DEPDC5: variants seen among roughly 807,000 people sequenced by gnomAD.
DEPDC5 encodes DEP domain containing 5, GATOR1 subcomplex subunit.
DEPDC5 carries 73 observed loss-of-function variants against 217.3 expected under a neutral mutation model. That is an observed-to-expected ratio of 0.34 (90% CI 0.28 to 0.41). The LOEUF (loss-of-function observed/expected upper bound fraction) is 0.41. DEPDC5 is among the 10% of genes least tolerant of loss of function. The pLI is 1.00. For synonymous variants in DEPDC5, 733 were observed against 756.7 expected, an observed-to-expected ratio of 0.97 and a Z score of 0.51; for missense variants, 1,675 against 2,070.1, an observed-to-expected ratio of 0.81 and a Z score of 3.70.
rs571874070 is a variant in DEPDC5, at chr22:31,871,287, C to G, written c.3485+543C>G. 3.9e-5 allele frequency among the ~76,000 whole-genome samples: 6 copies of G among 152,322 alleles called. No homozygotes were observed. The East Asian group carries it at 1.2e-3, about 29-fold the overall frequency. ...CTGTGTTTGCTTTATAGTAATTATG[C>G]CGCAGTCTTTTCTTATTGTCTCACT... On this transcript the variant is annotated intron_variant, in intron 34 of 42. Transcript: ENST00000651528.
chr22:31,809,287 A>G (rs1170260669), intron 18 of DEPDC5, among the ~76,000 whole-genome samples: 1 of 152,176 alleles, frequency 6.6e-6, no homozygotes, highest in Non-Finnish European at 1.5e-5. Context: ...CAGTGGATTG[A>G]CCAAGAATCT....
intron 1 of DEPDC5, among the ~76,000 whole-genome samples, chr22:31,754,365 G>A (rs1168399171): frequency 6.6e-6 from 1 of 152,240 alleles, no homozygotes; most frequent in Non-Finnish European, 1.5e-5. Flanking sequence ...ACCGAGGTTT[G>A]GGGAAGGAAC....
intron 3 of DEPDC5, among the ~76,000 whole-genome samples, chr22:31,759,666 C>T (rs929672770): frequency 9.1e-5 from 13 of 143,402 alleles, no homozygotes; most frequent in East Asian, 4.1e-4. Context: ...GCTACCTTGC[C>T]GCGCCCAGCC....
intron 31 of DEPDC5, among the ~76,000 whole-genome samples, chr22:31,855,068 G>C (rs1242924417): frequency 6.6e-6 from 1 of 150,770 alleles, no homozygotes; most frequent in African/African-American, 2.4e-5. Context: ...AGGTTCAAGC[G>C]ATTCTCCTGC....
chr22:31,874,389 C>T lies in DEPDC5; in HGVS notation c.3680C>T (p.Ala1227Val). Residue 1227 changes from alanine to valine, a missense_variant, in exon 36 of 43, where the codon GCC becomes GTC. Around this residue, in one of 11 missense-constraint regions of DEPDC5, gnomAD observed 194 missense variants for 199.3 expected, o/e 0.97. Coordinates refer to ENST00000651528, the MANE Select transcript of DEPDC5 (RefSeq NM_001242896.3). Reference protein sequence around the residue: ...HVEGIQTQAMAIDIMQKMLEE... With the variant: ...HVEGIQTQAMVIDIMQKMLEE... The stretch of plus-strand genomic sequence containing the variant: ...GAGGGGATCCAGACACAGGCGATGG[C>T]CATTGACATCATGCAGGTGAGACAG... The T allele has an allele frequency of 6.2e-7, 1 of 1,612,244 alleles. No homozygotes were observed. Among genetic ancestry groups the T allele is most frequent in the South Asian group, 1.1e-5 (1 of 90,528 alleles).
rs959587341 is a variant in DEPDC5 at position 31,758,406 on chromosome 22, T to C, written c.59-140T>C. ...TCCTGTGTGAATCCATTAGTCATTG[T>C]AAGCCTCGTTTCAAAATAGAACCTC... On this transcript the variant is annotated intron_variant, in intron 2 of 42. Transcript: ENST00000651528. 4.4e-5 allele frequency: 31 copies of C among 700,914 alleles called. 1 individual carries two copies. Among genetic ancestry groups the C allele is most frequent in the Non-Finnish European group, 6.8e-5 (27 of 395,636 alleles). 43.4% of individuals were successfully genotyped at this position (700,914 alleles called of 1,614,324 possible).
At chr22:31,760,370 AT>A (rs1321378769) in intron 3 of DEPDC5, among the ~76,000 whole-genome samples, 4 of 148,092 alleles carry the variant, frequency 2.7e-5, no homozygotes, top group African/African-American at 1.0e-4. Flanking sequence ...ACCCGGCCTA[AT>A]TTTTTCTATT....
chr22:31,879,631 G>A lies in DEPDC5; in HGVS notation c.3912G>A (p.Val1304=). 6.2e-7 allele frequency: 1 copy of A among 1,614,070 alleles called. No homozygotes were observed. Among genetic ancestry groups the A allele is most frequent in the Non-Finnish European group, 8.5e-7 (1 of 1,180,024 alleles). The part of the protein sequence containing the change: ...FEVAFVAEEL[V]HSEIPAFLLP... ...TGGCCTTTGTGGCAGAAGAGCTCGT[G>A]CACTCTGAGATTCCTGCCTTTCTCC... Residue 1304 remains valine (V), a synonymous_variant, in exon 38 of 43, where the codon GTG becomes GTA. Coordinates refer to ENST00000651528, the MANE Select transcript of DEPDC5 (RefSeq NM_001242896.3).
At position 31,877,436 on chromosome 22, in the gene DEPDC5, CAAAAAAAAAAAAAAAA is replaced by C. The variant is rs71184527; in HGVS notation, c.3805+1187_3805+1202del. On this transcript the variant is annotated intron_variant, in intron 37 of 42. Coordinates refer to ENST00000651528, the MANE Select transcript of DEPDC5 (RefSeq NM_001242896.3). ...TGGGCTACAGAGTGAGACTCCATCT[CAAAAAAAAAAAAAAAA>C]AAAAAAAAAAAAAAACAGGCCGGGC... Among the ~76,000 whole-genome samples, 9 of 21,018 alleles carry C rather than the reference CAAAAAAAAAAAAAAAA, an allele frequency of 4.3e-4. No individual in the cohort carries two copies. The South Asian group carries it at 0.015, about 35-fold the overall frequency. The allele number at this position is 21,018 out of a possible 152,430, so 13.8% of individuals were successfully genotyped here. A position where few individuals can be genotyped will look rare whatever the true frequency, so the allele number is the denominator to read the frequency against.
intron 4 of DEPDC5, among the ~76,000 whole-genome samples, chr22:31,762,208 A>G (rs75534931): frequency 0.033 from 5,078 of 152,190 alleles, 137 homozygotes; most frequent in African/African-American, 0.069. Context: ...GCAAGGTACT[A>G]TCCTGGGAGC....
At chr22:31,861,966 C>T (rs185528836) in intron 33 of DEPDC5, among the ~76,000 whole-genome samples, 4 of 152,300 alleles carry the variant, frequency 2.6e-5, no homozygotes, top group South Asian at 2.1e-4. Context: ...GAGCCGGGTG[C>T]GGTGGCTCAC....
chr22:31,806,052 A>G, intron 17 of DEPDC5, 70 bp from the exon 18 acceptor site: 1 of 1,420,454 alleles, frequency 7.0e-7, no homozygotes, highest in Non-Finnish European at 9.9e-7. Flanking sequence ...CATGCCTAGT[A>G]TTTTAACTGT....
chr22:31,856,106 G>A (rs781734556), intron 31 of DEPDC5, among the ~76,000 whole-genome samples: 4 of 151,242 alleles, frequency 2.6e-5, no homozygotes, highest in Non-Finnish European at 2.9e-5. Context: ...ACAGCCTCAG[G>A]AGATCCCACT....
intron 40 of DEPDC5, among the ~76,000 whole-genome samples, chr22:31,898,750 T>C (rs11913137): frequency 1.1e-4 from 17 of 152,076 alleles, no homozygotes; most frequent in African/African-American, 3.6e-4. Context: ...GTTTGGAAGA[T>C]TTTTTTTATA....
chr22:31,893,537 C>G (rs765355214), intron 38 of DEPDC5, 45 bp from the exon 39 acceptor site: 3 of 1,467,990 alleles, frequency 2.0e-6, no homozygotes, highest in African/African-American at 1.5e-5. Flanking sequence ...CTTCATCCCA[C>G]TCCTTTTCTC....
At chr22:31,817,103 T>C in intron 21 of DEPDC5, 1 of 160,510 alleles carries the variant, frequency 6.2e-6, no homozygotes, top group Non-Finnish European at 1.4e-5. Flanking sequence ...CATATTTCTT[T>C]CTTTCTTTCT....
rs2082686463 is a variant in DEPDC5 at position 31,764,916 on chromosome 22, A to G, written c.194-59A>G. ...CTGAGTTGAGTGTTTATAGATTAGA[A>G]TATATGGATCTGCTTTTTCAAAATA... is the stretch of plus-strand genomic sequence containing the variant. On this transcript the variant is annotated intron_variant, in intron 4 of 42. Transcript: ENST00000651528. The G allele has an allele frequency of 8.5e-6, 11 of 1,300,534 alleles. 1 individual carries two copies. In the South Asian group the frequency reaches 1.2e-4, roughly 14 times the overall value. The allele number at this position is 1,300,534 out of a possible 1,614,324, so 80.6% of individuals were successfully genotyped here.
At chr22:31,822,411 A>C (rs907370597) in intron 23 of DEPDC5, among the ~76,000 whole-genome samples, 11 of 150,694 alleles carry the variant, frequency 7.3e-5, no homozygotes, top group African/African-American at 2.7e-4. Context: ...CATAGGGCAT[A>C]GGGAGGCATA....
intron 7 of DEPDC5, among the ~76,000 whole-genome samples, chr22:31,770,691 A>G (rs1022243673): frequency 1.3e-5 from 2 of 150,540 alleles, no homozygotes; most frequent in African/African-American, 2.4e-5. Context: ...CTCACCCGGC[A>G]TATTTGTCTT....
Sources: gnomAD v4.1 joint callset for allele counts (sites outside exome capture counted in the v4.1 genomes callset) on GRCh38, gnomAD v4.1.1 for gene constraint, gnomAD v4.1.1 regional missense constraint, MANE v1.5 for transcripts, NCBI Gene and HGNC (gene_info 2026-07-23, HGNC 2026-07-21) for gene names.